SLC26A1: variants seen among roughly 807,000 people sequenced by gnomAD.
The protein encoded by SLC26A1 is solute carrier family 26 member 1.
SLC26A1 carries 18 observed loss-of-function variants against 14.5 expected under a neutral mutation model. That is an observed-to-expected ratio of 1.24 (90% CI 0.86 to 1.84). The LOEUF (loss-of-function observed/expected upper bound fraction) is 1.84. SLC26A1 is among the 40% of genes most tolerant of loss of function. SLC26A1 has a pLI of 0.00. For missense variants in SLC26A1, 1,049 were observed against 1,020.0 expected, an observed-to-expected ratio of 1.03 and a Z score of -0.39; for synonymous variants, 505 against 492.0, an observed-to-expected ratio of 1.03 and a Z score of -0.35.
chr4:988,787 T>C lies in SLC26A1; in HGVS notation c.*46A>G, dbSNP rs1457979242. On this transcript the variant is annotated 3_prime_UTR_variant, in exon 3 of 3. Transcript: ENST00000398516. Reference sequence around the variant, plus strand: ...AGCAGTGGCTTGCAGACGTCTGCTGTGGGTCCCCAGGAGGGAGCAGAGGCT... The same window carrying C: ...AGCAGTGGCTTGCAGACGTCTGCTGCGGGTCCCCAGGAGGGAGCAGAGGCT... 1.2e-5 allele frequency: 18 copies of C among 1,483,566 alleles called. No individual in the cohort carries two copies. The South Asian group carries it at 2.2e-4, about 18-fold the overall frequency. The allele number at this position is 1,483,566 out of a possible 1,614,324, so 91.9% of individuals were successfully genotyped here.
At chr4:986,939 A>T, downstream of SLC26A1, 1 of 521,828 alleles carries the variant, frequency 1.9e-6, no homozygotes, top group Non-Finnish European at 3.6e-6. Context: ...CCCCGAGGCC[A>T]CCCAACCCCT....
chr4:979,274 A>G (rs949794084), exon 3 of SLC26A1: 1 of 635,706 alleles, frequency 1.6e-6, no homozygotes, highest in Non-Finnish European at 2.8e-6. Context: ...GGCCAGGTTG[A>G]GGGGCTGCCT....
At chr4:987,648 C>T, downstream of SLC26A1, 1 of 1,455,374 alleles carries the variant, frequency 6.9e-7, no homozygotes, top group East Asian at 2.5e-5. Context: ...AAGATGGGAC[C>T]TCCCCACATT....
intron 2 of SLC26A1, among the ~76,000 whole-genome samples, chr4:981,502 G>A (rs116648731): frequency 0.034 from 5,130 of 152,092 alleles, 133 homozygotes; most frequent in East Asian, 0.12. Context: ...AATTAGCCAG[G>A]CATGTGCTGC....
exon 3 of SLC26A1, chr4:979,314 C>G (rs1264140312): frequency 2.5e-6 from 2 of 794,732 alleles, no homozygotes; most frequent in African/African-American, 1.7e-5. Context: ...CCAAGCCTCC[C>G]TCTGGAATAA....
chr4:989,021 G>C lies in SLC26A1; in HGVS notation c.1918C>G (p.Leu640Val). The C allele has an allele frequency of 6.3e-7, 1 of 1,585,956 alleles. No homozygotes were observed. Among genetic ancestry groups the C allele is most frequent in the Non-Finnish European group, 8.6e-7 (1 of 1,166,872 alleles). The change falls in exon 3 of 3, where the codon CTG (leucine) becomes GTG (valine). Residue 640 changes from leucine (L) to valine (V), a missense_variant. Transcript: ENST00000398516. The part of the protein sequence containing the change: ...LQDLRRDYGA[L>V]GISLLLACCS... ...CAGGCTAGCAGCAGGCTGATGCCCA[G>C]GGCCCCGTAGTCTCGGCGCAGGTCC...
At chr4:979,393 A>C in exon 3 of SLC26A1, 4 of 1,433,736 alleles carry the variant, frequency 2.8e-6, no homozygotes, top group Non-Finnish European at 3.9e-6. Context: ...TGATGTCGGC[A>C]TTTCCTGTTA....
At chr4:981,064 G>A (rs558927504) in intron 2 of SLC26A1, among the ~76,000 whole-genome samples, 2 of 152,290 alleles carry the variant, frequency 1.3e-5, no homozygotes. Flanking sequence ...GCCAGCGTGC[G>A]TCACGTCACG....
chr4:988,080 G>A lies in SLC26A1; in HGVS notation c.*753C>T. 5 of 1,455,600 alleles carry A rather than the reference G, an allele frequency of 3.4e-6. No individual in the cohort carries two copies. Among genetic ancestry groups the A allele is most frequent in the Non-Finnish European group, 3.6e-6 (4 of 1,102,726 alleles). 90.2% of individuals were successfully genotyped at this position (1,455,600 alleles called of 1,614,324 possible). On this transcript the variant is annotated 3_prime_UTR_variant, in exon 3 of 3. Coordinates refer to ENST00000398516, the MANE Select transcript of SLC26A1 (RefSeq NM_022042.4). ...GCCGAAGCACCCTGTTGGGGAGAGCGTGTCCTTGCTGGCTGTGCTGGGGTG... is the reference window on the plus strand; with the variant it reads ...GCCGAAGCACCCTGTTGGGGAGAGCATGTCCTTGCTGGCTGTGCTGGGGTG...
At chr4:991,003 T>A in intron 2 of SLC26A1, 125 bp downstream of exon 2, 1 of 997,704 alleles carries the variant, frequency 1.0e-6, no homozygotes, top group Non-Finnish European at 1.4e-6. Context: ...GCCCAAGCCT[T>A]GCTGTCTTGG....
chr4:982,535 A>G (rs1713576760), intron 2 of SLC26A1, among the ~76,000 whole-genome samples: 1 of 152,106 alleles, frequency 6.6e-6, no homozygotes, highest in South Asian at 2.1e-4. Context: ...CCCTGCCCGG[A>G]CGCCCCCAGT....
Position 990,913 on chromosome 4 carries a change from C to T in SLC26A1, c.576+215G>A, listed in dbSNP as rs1247413215. On this transcript the variant is annotated intron_variant, in intron 2 of 2. Transcript: ENST00000398516. ...AGGCCATGGCCCACCGGACTGGCTC[C>T]CCGTGCCCCTCCCCTCCTGCATCCA... The T allele has an allele frequency of 2.4e-5, 13 of 547,928 alleles. No individual in the cohort carries two copies. In the Admixed American group the frequency reaches 3.1e-4, roughly 13 times the overall value. The allele number at this position is 547,928 out of a possible 1,614,324, so 33.9% of individuals were successfully genotyped here.
At chr4:980,455 G>A (rs923876750) in intron 2 of SLC26A1, among the ~76,000 whole-genome samples, 12 of 151,920 alleles carry the variant, frequency 7.9e-5, no homozygotes, top group East Asian at 1.9e-4. Flanking sequence ...GAATGGTGGC[G>A]GGCGCCTGTA....
chr4:988,448 G>A lies in SLC26A1; in HGVS notation c.*385C>T, dbSNP rs963409642. 8.1e-5 allele frequency: 88 copies of A among 1,092,310 alleles called. No homozygotes were observed. The Admixed American group carries it at 8.5e-4, about 11-fold the overall frequency. 67.7% of individuals were successfully genotyped at this position (1,092,310 alleles called of 1,614,324 possible). On this transcript the variant is annotated 3_prime_UTR_variant, in exon 3 of 3. Transcript: ENST00000398516. The stretch of plus-strand genomic sequence containing the variant: ...GGCTCCTACCAGCAGGGTGGGCACC[G>A]GGCAGGCCTGGGCATAGGGAGTCCT...
At position 988,198 on chromosome 4, in the gene SLC26A1, C is replaced by T; in HGVS notation, c.*635G>A. 1 of 1,360,188 alleles carries T rather than the reference C, an allele frequency of 7.4e-7. No homozygotes were observed. Among genetic ancestry groups the T allele is most frequent in the Non-Finnish European group, 9.5e-7 (1 of 1,055,008 alleles). 84.3% of individuals were successfully genotyped at this position (1,360,188 alleles called of 1,614,324 possible). ...TCAGGGTTGGCTGCGCCGCACCTGG[C>T]TCCTGGTGCACCCGTGAGCATCCCT... is the stretch of plus-strand genomic sequence containing the variant. On this transcript the variant is annotated 3_prime_UTR_variant, in exon 3 of 3. Transcript: ENST00000398516.
chr4:980,959 C>T (rs1031129182), intron 2 of SLC26A1, among the ~76,000 whole-genome samples: 11 of 152,058 alleles, frequency 7.2e-5, no homozygotes, highest in African/African-American at 1.4e-4. Context: ...TGCCTCACGG[C>T]GGGTTTTCAC....
Position 989,576 on chromosome 4 carries a change from G to T in SLC26A1, c.1363C>A (p.Arg455Ser), listed in dbSNP as rs387907483. 2.5e-6 allele frequency: 4 copies of T among 1,594,886 alleles called. No individual in the cohort carries two copies. The highest frequency in any genetic ancestry group is 3.4e-6 in the Non-Finnish European group (4 of 1,172,422). The part of the protein sequence containing the change: ...VIVVSLRGAL[R>S]KVWDLPRLWR... ...AGCCGCGGGAGGTCCCACACCTTGC[G>T]CAGGGCCCCCCGCAGGCTGACCACG... Residue 455 changes from arginine to serine, a missense_variant, in exon 3 of 3, where the codon CGC becomes AGC. By Grantham distance (110) the Arg-to-Ser change is moderately radical. Coordinates refer to ENST00000398516, the MANE Select transcript of SLC26A1 (RefSeq NM_022042.4).
chr4:980,849 T>C (rs1713517388), intron 2 of SLC26A1, among the ~76,000 whole-genome samples: 1 of 151,344 alleles, frequency 6.6e-6, no homozygotes, highest in South Asian at 2.1e-4. Context: ...GAAAGAAGGA[T>C]GGGGGTCGGG....
rs1340008059 is a variant in SLC26A1, at chr4:991,127, C to T, written c.576+1G>A. Reference sequence around the variant, plus strand: ...CCCTGTGCCCAAGCAGGGCTCCTCACCTGGTAAAGCCCGGTCATCAGCGTG... The same window carrying T: ...CCCTGTGCCCAAGCAGGGCTCCTCATCTGGTAAAGCCCGGTCATCAGCGTG... On this transcript the variant is annotated splice_donor_variant, in intron 2 of 2. Coordinates refer to ENST00000398516, the MANE Select transcript of SLC26A1 (RefSeq NM_022042.4). LOFTEE classifies it high-confidence loss of function. 4 of 1,533,106 alleles carry T rather than the reference C, an allele frequency of 2.6e-6. No homozygotes were observed. In the East Asian group the frequency reaches 6.8e-5, roughly 26 times the overall value. The allele number at this position is 1,533,106 out of a possible 1,614,324, so 95.0% of individuals were successfully genotyped here.
Sources: allele counts gnomAD v4.1 joint callset (sites outside exome capture counted in the v4.1 genomes callset), GRCh38; gene constraint gnomAD v4.1.1; transcripts MANE v1.5; gene names NCBI Gene and HGNC (gene_info 2026-07-23, HGNC 2026-07-21).